The following SPON1 variants were observed in gnomAD, a reference collection of about 807,000 sequenced individuals.
SPON1 encodes spondin-1.
A neutral mutation model predicts 111.7 loss-of-function variants in SPON1; 52 were observed. That is an observed-to-expected ratio of 0.47 (90% confidence interval 0.37 to 0.59). The LOEUF is 0.59. Ranked by LOEUF, SPON1 falls within the 20% of genes least tolerant of loss-of-function variation. The probability of loss-of-function intolerance (pLI) is 0.00; values close to 1 mark genes in which losing one functional copy is unlikely to be tolerated. For synonymous variants in SPON1, 410 were observed against 395.8 expected, an observed-to-expected ratio of 1.04 and a Z score of -0.43; for missense variants, 957 against 1,068.5, an observed-to-expected ratio of 0.90 and a Z score of 1.46.
intron 5 of SPON1, among the ~76,000 whole-genome samples, chr11:14,120,595 CA>C (rs1849297679): frequency 6.6e-6 from 1 of 152,146 alleles, no homozygotes; most frequent in African/African-American, 2.4e-5. Context: ...TCTGCACTCC[CA>C]ATGCTGACTA....
Position 14,019,807 on chromosome 11 carries a change from C to G in SPON1, c.346-21714C>G, listed in dbSNP as rs74471856. On this transcript the variant is annotated intron_variant, in intron 2 of 15. Coordinates refer to ENST00000576479, the MANE Select transcript of SPON1 (RefSeq NM_006108.4). ...TCCTCCGGTTCATAAATTGGCCACA[C>G]TAGCTCAAAGCATGTCACCCTCACC... Among the ~76,000 whole-genome samples the G allele has an allele frequency of 7.6e-3, 1,157 of 152,286 alleles. 43 individuals are homozygous for G. The East Asian group carries it at 0.1, about 13-fold the overall frequency.
At chr11:14,221,074 T>C (rs888077896) in intron 6 of SPON1, among the ~76,000 whole-genome samples, 2 of 152,222 alleles carry the variant, frequency 1.3e-5, no homozygotes, top group African/African-American at 4.8e-5. Flanking sequence ...GTTCTGAACA[T>C]TTCTACTCAT....
chr11:14,069,817 G>A (rs1848861216), intron 3 of SPON1, among the ~76,000 whole-genome samples: 1 of 121,452 alleles, frequency 8.2e-6, no homozygotes, highest in Non-Finnish European at 1.9e-5. Flanking sequence ...AGAGACTGCA[G>A]CCTTACCCTT....
intron 5 of SPON1, among the ~76,000 whole-genome samples, chr11:14,122,932 A>C (rs1237717164): frequency 9.5e-6 from 1 of 105,276 alleles, no homozygotes; most frequent in African/African-American, 4.3e-5. Flanking sequence ...CTGCTCTTGT[A>C]ATTTTTTTTT....
At chr11:14,185,329 C>A (rs1312136463) in intron 6 of SPON1, among the ~76,000 whole-genome samples, 1 of 152,178 alleles carries the variant, frequency 6.6e-6, no homozygotes, top group Non-Finnish European at 1.5e-5. Context: ...CCATCCTTTA[C>A]CATCCAAGAT....
chr11:14,018,632 T>A (rs1293521741), intron 2 of SPON1, among the ~76,000 whole-genome samples: 1 of 152,048 alleles, frequency 6.6e-6, no homozygotes, highest in Non-Finnish European at 1.5e-5. Flanking sequence ...GAGACAGAGA[T>A]CTGCAGAGCA....
At position 14,135,917 on chromosome 11, in the gene SPON1, T is replaced by C. The variant is rs548932686; in HGVS notation, c.825+349T>C. Reference sequence around the variant, plus strand: ...AGGGTCAGAGGAGTAATAGTCAAGCTGTCCAGCCAAATCCCCAAAATAAAT... The same window carrying C: ...AGGGTCAGAGGAGTAATAGTCAAGCCGTCCAGCCAAATCCCCAAAATAAAT... On this transcript the variant is annotated intron_variant, in intron 6 of 15. Transcript: ENST00000576479. The surrounding 1 kb of genome is among the most constrained non-coding windows in gnomAD (Gnocchi z 4.4). Among the ~76,000 whole-genome samples the C allele has an allele frequency of 6.6e-6, 1 of 152,350 alleles. No homozygotes were observed. The highest frequency in any genetic ancestry group is 2.4e-5 in the African/African-American group (1 of 41,582).
chr11:14,263,271 TCC>T (rs1849211473), intron 15 of SPON1, among the ~76,000 whole-genome samples: 1 of 152,126 alleles, frequency 6.6e-6, no homozygotes, highest in Non-Finnish European at 1.5e-5. Context: ...GAATTACAGT[TCC>T]TTCTTTACAC....
intron 3 of SPON1, among the ~76,000 whole-genome samples, chr11:14,057,134 C>T (rs1342314044): frequency 6.6e-6 from 1 of 152,124 alleles, no homozygotes; most frequent in Non-Finnish European, 1.5e-5. Flanking sequence ...TCTCAAAGTA[C>T]TTGCCCTTGA....
chr11:14,034,875 G>T (rs1554916450), intron 2 of SPON1, among the ~76,000 whole-genome samples: 1 of 152,178 alleles, frequency 6.6e-6, no homozygotes, highest in Non-Finnish European at 1.5e-5. Context: ...TCCCAGTGTA[G>T]TCACCCAGAA....
intron 6 of SPON1, among the ~76,000 whole-genome samples, chr11:14,183,958 G>A (rs1554933881): frequency 6.6e-6 from 1 of 152,166 alleles, no homozygotes; most frequent in Non-Finnish European, 1.5e-5. Context: ...GGCCCTTGGA[G>A]AAAGTGAAAT....
Position 14,132,247 on chromosome 11 carries a change from T to C in SPON1, c.677-3173T>C, listed in dbSNP as rs539665174. On this transcript the variant is annotated intron_variant, in intron 5 of 15. Transcript: ENST00000576479. ...GAGCTGAGATTCTGCCACTACACTC[T>C]AGCCCAGGCAACAGTACAAGACTCC... Among the ~76,000 whole-genome samples the C allele has an allele frequency of 5.9e-5, 9 of 151,400 alleles. No homozygotes were observed. In the East Asian group the frequency reaches 7.8e-4, roughly 13 times the overall value.
At chr11:14,161,900 C>T (rs1032358311) in intron 6 of SPON1, among the ~76,000 whole-genome samples, 35 of 151,832 alleles carry the variant, frequency 2.3e-4, no homozygotes, top group African/African-American at 8.2e-4. Context: ...TGCCTGTAAT[C>T]CCAGCACTTT....
At chr11:14,111,101 T>G (rs2133848847) in intron 5 of SPON1, among the ~76,000 whole-genome samples, 1 of 152,232 alleles carries the variant, frequency 6.6e-6, no homozygotes, top group East Asian at 1.9e-4. Context: ...AATCTAAACC[T>G]TCTTTAAAAT....
At chr11:14,090,221 A>C (rs1739775594) in intron 5 of SPON1, among the ~76,000 whole-genome samples, 1 of 129,470 alleles carries the variant, frequency 7.7e-6, no homozygotes, top group African/African-American at 2.8e-5. Flanking sequence ...AAAAAAAAAA[A>C]CTGCAGCCAG....
At chr11:14,109,323 G>C (rs1392294112) in intron 5 of SPON1, among the ~76,000 whole-genome samples, 1 of 152,076 alleles carries the variant, frequency 6.6e-6, no homozygotes, top group Admixed American at 6.5e-5. Flanking sequence ...GGTTTCCCTA[G>C]GGTTATGTTC....
At chr11:14,165,754 A>G (rs1036674850) in intron 6 of SPON1, among the ~76,000 whole-genome samples, 10 of 152,180 alleles carry the variant, frequency 6.6e-5, no homozygotes, top group Admixed American at 3.3e-4. Flanking sequence ...CCCCATTTTT[A>G]TTCAAAACAA....
chr11:14,209,755 A>G (rs549096670), intron 6 of SPON1, among the ~76,000 whole-genome samples: 80 of 152,366 alleles, frequency 5.3e-4, no homozygotes, highest in Middle Eastern at 3.4e-3. Flanking sequence ...AGAATGATTT[A>G]TAATCCTTTG....
At chr11:14,233,702 G>A (rs1213317832) in intron 6 of SPON1, among the ~76,000 whole-genome samples, 2 of 151,916 alleles carry the variant, frequency 1.3e-5, no homozygotes, top group Non-Finnish European at 2.9e-5. Flanking sequence ...ACCTGCCCTG[G>A]GATGGCAGTG....
Sources: allele counts gnomAD v4.1 joint callset (sites outside exome capture counted in the v4.1 genomes callset), GRCh38; gene constraint gnomAD v4.1.1; non-coding constraint Gnocchi (gnomAD v3.1); transcripts MANE v1.5; gene names NCBI Gene and HGNC (gene_info 2026-07-23, HGNC 2026-07-21).